The following DLC1 variants were observed in gnomAD, a reference collection of about 807,000 sequenced individuals.
DLC1 encodes the protein rho GTPase-activating protein 7.
In DLC1, 54 loss-of-function variants were observed where a neutral mutation model predicts 140.3. The ratio of observed to expected loss-of-function variants is 0.38; its 90% CI spans 0.31 to 0.48. The LOEUF is 0.48. DLC1 is among the 20% of genes least tolerant of loss of function. The pLI is 0.96. For synonymous variants in DLC1, 986 were observed against 728.1 expected (o/e 1.35, Z -5.70); for missense variants, 2,536 against 1,907.0 (o/e 1.33, Z -6.14).
chr8:13,473,477 G>A (rs191117385), intron 2 of DLC1, among the ~76,000 whole-genome samples: 3 of 152,268 alleles, frequency 2.0e-5, no homozygotes, highest in East Asian at 3.9e-4. Context: ...CAGTAAATTG[G>A]TACCAGTAGA....
chr8:13,548,435 G>A (rs1181137182), intron 1 of DLC1, among the ~76,000 whole-genome samples: 2 of 152,104 alleles, frequency 1.3e-5, no homozygotes, highest in East Asian at 1.9e-4. Flanking sequence ...GGTGGAATTT[G>A]GAGAGATATG....
intron 5 of DLC1, among the ~76,000 whole-genome samples, chr8:13,122,493 G>GA (rs538131717): frequency 0.026 from 3,831 of 147,886 alleles, 176 homozygotes; most frequent in African/African-American, 0.087. Flanking sequence ...AGAAGGAAAA[G>GA]AAAAAAAAAA....
At chr8:13,322,448 T>C (rs928664941) in intron 4 of DLC1, among the ~76,000 whole-genome samples, 2 of 151,604 alleles carry the variant, frequency 1.3e-5, no homozygotes, top group Non-Finnish European at 2.9e-5. Flanking sequence ...ATTATTACAT[T>C]GAATTTTACT....
chr8:13,502,888 T>C (rs1801884685), intron 1 of DLC1, among the ~76,000 whole-genome samples: 1 of 152,220 alleles, frequency 6.6e-6, no homozygotes, highest in Non-Finnish European at 1.5e-5. Context: ...TGAATTTCCA[T>C]GGGGATTTTT....
chr8:13,247,743 G>A (rs1027339407), intron 5 of DLC1, among the ~76,000 whole-genome samples: 4 of 152,134 alleles, frequency 2.6e-5, no homozygotes, highest in African/African-American at 7.2e-5. Flanking sequence ...TCAAACAAGT[G>A]CAAAAAATAG....
At chr8:13,547,801 T>C (rs550878091) in intron 1 of DLC1, among the ~76,000 whole-genome samples, 2 of 152,180 alleles carry the variant, frequency 1.3e-5, no homozygotes, top group South Asian at 4.1e-4. Flanking sequence ...AACTCCTTTC[T>C]CTAGAGACTT....
chr8:13,111,635 G>A lies in DLC1; in HGVS notation c.1421-812C>T, dbSNP rs1472674211. 3.9e-5 allele frequency among the ~76,000 whole-genome samples: 6 copies of A among 152,144 alleles called. No individual in the cohort carries two copies. The East Asian group carries it at 5.8e-4, about 15-fold the overall frequency. ...CAAGAAAAGGAGAGCGGAGGTAGCC[G>A]CTGTGGAAATTTACAACAGCTCTGA... On this transcript the variant is annotated intron_variant, in intron 6 of 17. Coordinates refer to ENST00000276297, the MANE Select transcript of DLC1 (RefSeq NM_182643.3).
At chr8:13,110,873 TG>T in intron 6 of DLC1, 50 bp from the exon 7 acceptor site, 1 of 1,560,638 alleles carries the variant, frequency 6.4e-7, no homozygotes, top group Non-Finnish European at 8.8e-7. Context: ...AAACCCAATT[TG>T]CCAAATAGCC....
At chr8:13,200,850 G>C (rs1337350754) in intron 5 of DLC1, among the ~76,000 whole-genome samples, 1 of 152,086 alleles carries the variant, frequency 6.6e-6, no homozygotes, top group Non-Finnish European at 1.5e-5. Flanking sequence ...CTCCAGACTT[G>C]GCCCCCCAAA....
intron 2 of DLC1, among the ~76,000 whole-genome samples, chr8:13,413,862 C>G (rs1837924039): frequency 6.6e-6 from 1 of 152,086 alleles, no homozygotes; most frequent in Non-Finnish European, 1.5e-5. Flanking sequence ...TACGCAGTCT[C>G]AAGTAGTATC....
chr8:13,538,345 A>T (rs1042009516), intron 1 of DLC1, among the ~76,000 whole-genome samples: 31 of 151,440 alleles, frequency 2.0e-4, no homozygotes, highest in African/African-American at 7.6e-4. Context: ...TCACTCCCAA[A>T]ATAGTGGTGC....
At chr8:13,120,356 A>AAAATAC in intron 5 of DLC1, among the ~76,000 whole-genome samples, 1 of 61,122 alleles carries the variant, frequency 1.6e-5, no homozygotes, top group Non-Finnish European at 3.8e-5. Flanking sequence ...AAAAAAAAAA[A>AAAATAC]ATATATATAT....
At chr8:13,250,497 GAGTAA>G (rs1829955020) in intron 5 of DLC1, among the ~76,000 whole-genome samples, 1 of 152,152 alleles carries the variant, frequency 6.6e-6, no homozygotes, top group Non-Finnish European at 1.5e-5. Context: ...GGTAATTCTG[GAGTAA>G]AGTACTTACT....
At position 13,546,245 on chromosome 8, in the gene DLC1, A is replaced by G. The variant is rs372058100; in HGVS notation, c.-125-46049T>C. Among the ~76,000 whole-genome samples the G allele has an allele frequency of 3.9e-5, 6 of 152,292 alleles. No homozygotes were observed. In the East Asian group the frequency reaches 5.8e-4, roughly 15 times the overall value. ...AAATTCTAAATACTCATGGAATTTT[A>G]TGGTCTGAAATTATTCTTCAATTTA... On this transcript the variant is annotated intron_variant, in intron 1 of 1. Coordinates refer to the DLC1 transcript ENST00000631382.
At chr8:13,431,884 G>C (rs1309868118) in intron 2 of DLC1, among the ~76,000 whole-genome samples, 1 of 152,030 alleles carries the variant, frequency 6.6e-6, no homozygotes, top group East Asian at 1.9e-4. Flanking sequence ...CAGATAAAAG[G>C]TAATAGTTTT....
intron 5 of DLC1, among the ~76,000 whole-genome samples, chr8:13,237,581 C>A (rs1256342213): frequency 6.6e-6 from 1 of 151,834 alleles, no homozygotes; most frequent in African/African-American, 2.4e-5. Flanking sequence ...TACAGTGTAC[C>A]CACTGTGTAG....
At chr8:13,595,211 C>G (rs1364627672) in intron 1 of DLC1, among the ~76,000 whole-genome samples, 1 of 151,926 alleles carries the variant, frequency 6.6e-6, no homozygotes, top group Non-Finnish European at 1.5e-5. Flanking sequence ...ATGAAAGGCA[C>G]ATTTAATTTT....
intron 5 of DLC1, among the ~76,000 whole-genome samples, chr8:13,285,552 C>T (rs1187414589): frequency 6.6e-6 from 1 of 152,054 alleles, no homozygotes; most frequent in East Asian, 1.9e-4. Flanking sequence ...CCAATAAGTA[C>T]ATGAAAAGAT....
At chr8:13,345,364 C>T (rs1423752613) in intron 4 of DLC1, among the ~76,000 whole-genome samples, 1 of 151,880 alleles carries the variant, frequency 6.6e-6, no homozygotes, top group Non-Finnish European at 1.5e-5. Flanking sequence ...GTCACCATTG[C>T]AGTGAGCGTA....
Sources: allele counts gnomAD v4.1 joint callset (sites outside exome capture counted in the v4.1 genomes callset), GRCh38; gene constraint gnomAD v4.1.1; transcripts MANE v1.5; gene names NCBI Gene and HGNC (gene_info 2026-07-23, HGNC 2026-07-21).